Variants in PDE4D observed in about 807,000 individuals in gnomAD.
The protein encoded by PDE4D is phosphodiesterase 4D.
A neutral mutation model predicts 87.4 loss-of-function variants in PDE4D; 24 were observed. The observed-to-expected ratio is 0.27, with a 90% CI of 0.20 to 0.39. The LOEUF is 0.39. PDE4D is among the 10% of genes least tolerant of loss of function. The probability of loss-of-function intolerance (pLI) is 1.00; values close to 1 mark genes in which losing one functional copy is unlikely to be tolerated. For synonymous variants in PDE4D, 384 were observed against 383.2 expected, an observed-to-expected ratio of 1.00 and a Z score of -0.02; for missense variants, 714 against 1,041.0, an observed-to-expected ratio of 0.69 and a Z score of 4.32.
At chr5:60,068,442 C>T (rs975629051) in intron 2 of PDE4D, among the ~76,000 whole-genome samples, 5 of 140,110 alleles carry the variant, frequency 3.6e-5, no homozygotes, top group East Asian at 2.5e-4. Context: ...ATTTATTTTT[C>T]TCTCTCTTTT....
rs780129130 is a variant in PDE4D, at chr5:59,026,528, CCAGA to C, written c.921+12327_921+12330del. ...CAGGATGGCCAAGTGGTCTAAGGCA[CCAGA>C]CACTCACTGGGTTGGGCTAAAAACA... On this transcript the variant is annotated intron_variant, in intron 6 of 14. Coordinates refer to ENST00000340635, the MANE Select transcript of PDE4D (RefSeq NM_001104631.2). 2.2e-3 allele frequency among the ~76,000 whole-genome samples: 338 copies of C among 152,194 alleles called. 1 individual carries two copies. The highest frequency in any genetic ancestry group is 3.8e-3 in the Non-Finnish European group (256 of 68,004).
chr5:59,745,284 C>T (rs371866152), intron 1 of PDE4D, among the ~76,000 whole-genome samples: 115 of 152,070 alleles, frequency 7.6e-4, no homozygotes, highest in African/African-American at 2.5e-3. Flanking sequence ...GAAAAATTCT[C>T]GGGTGATGCT....
At chr5:59,894,722 A>G (rs990399700), upstream of PDE4D, among the ~76,000 whole-genome samples, 1 of 152,232 alleles carries the variant, frequency 6.6e-6, no homozygotes, top group African/African-American at 2.4e-5. Flanking sequence ...ACACAGCTCT[A>G]TTACTAAAGT....
At chr5:60,322,962 C>G (rs1399358314) in intron 1 of PDE4D, among the ~76,000 whole-genome samples, 1 of 152,230 alleles carries the variant, frequency 6.6e-6, no homozygotes, top group Non-Finnish European at 1.5e-5. Flanking sequence ...ACCATCCGAT[C>G]TTTATCAAAA....
At chr5:59,198,205 T>TA (rs1177572016) in intron 2 of PDE4D, among the ~76,000 whole-genome samples, 1 of 151,920 alleles carries the variant, frequency 6.6e-6, no homozygotes, top group Admixed American at 6.6e-5. Flanking sequence ...TTAAGGAAAA[T>TA]ACAGCTCTTT....
chr5:59,643,184 C>T (rs1222857829), intron 1 of PDE4D, among the ~76,000 whole-genome samples: 1 of 152,178 alleles, frequency 6.6e-6, no homozygotes, highest in African/African-American at 2.4e-5. Flanking sequence ...AGTGTACATG[C>T]TGGAGAGCTT....
At chr5:60,288,439 T>C (rs1752611886) in intron 1 of PDE4D, among the ~76,000 whole-genome samples, 1 of 152,208 alleles carries the variant, frequency 6.6e-6, no homozygotes, top group African/African-American at 2.4e-5. Context: ...ATCTTTTCAT[T>C]TGGTCTTTCC....
chr5:59,157,983 C>T lies in PDE4D; in HGVS notation c.808+22612G>A, dbSNP rs572300868. 5.9e-5 allele frequency among the ~76,000 whole-genome samples: 9 copies of T among 152,264 alleles called. No homozygotes were observed. The South Asian group carries it at 6.2e-4, about 11-fold the overall frequency. On this transcript the variant is annotated intron_variant, in intron 5 of 14. Transcript: ENST00000340635. ...GAGAGAAGGAAAGGGTATTGATTTG[C>T]GTGAGTGGCTCTCCATTGGGCTCTT...
chr5:59,169,263 G>A (rs1460810972), intron 5 of PDE4D, among the ~76,000 whole-genome samples: 1 of 151,958 alleles, frequency 6.6e-6, no homozygotes, highest in Non-Finnish European at 1.5e-5. Flanking sequence ...GAAATGGGTG[G>A]GAAGCACTTT....
intron 5 of PDE4D, among the ~76,000 whole-genome samples, chr5:59,174,094 A>AT (rs1783445196): frequency 6.6e-6 from 1 of 152,248 alleles, no homozygotes; most frequent in Admixed American, 6.5e-5. Context: ...TAACAAAAAA[A>AT]TAATTGTCCC....
chr5:60,431,563 G>A (rs1744308624), intron 1 of PDE4D, among the ~76,000 whole-genome samples: 1 of 151,700 alleles, frequency 6.6e-6, no homozygotes, highest in Admixed American at 6.6e-5. Flanking sequence ...ATGGCGGCCG[G>A]GCAGAGACGC....
intron 1 of PDE4D, among the ~76,000 whole-genome samples, chr5:59,223,654 C>T (rs1442643171): frequency 6.6e-6 from 1 of 152,004 alleles, no homozygotes. Flanking sequence ...TGAAAATTTC[C>T]CTGCAGGTCA....
intron 1 of PDE4D, among the ~76,000 whole-genome samples, chr5:59,233,491 C>A (rs1053980532): frequency 6.6e-6 from 1 of 152,162 alleles, no homozygotes; most frequent in Non-Finnish European, 1.5e-5. Flanking sequence ...TGTTGCCTAG[C>A]TCATTTGCAG....
chr5:59,236,603 A>G (rs770058044), intron 1 of PDE4D, among the ~76,000 whole-genome samples: 2 of 152,118 alleles, frequency 1.3e-5, no homozygotes, highest in Non-Finnish European at 2.9e-5. Context: ...CTCAGCTCAT[A>G]TTCCTCTATG....
At chr5:60,275,250 A>G (rs1249663284) in intron 1 of PDE4D, among the ~76,000 whole-genome samples, 2 of 152,188 alleles carry the variant, frequency 1.3e-5, no homozygotes, top group Non-Finnish European at 2.9e-5. Flanking sequence ...CACTGGTAAA[A>G]ATATTTTTCT....
At chr5:60,492,836 G>C (rs567843086), upstream of PDE4D, among the ~76,000 whole-genome samples, 1 of 151,010 alleles carries the variant, frequency 6.6e-6, no homozygotes, top group Admixed American at 6.6e-5. Flanking sequence ...GCACATGTAT[G>C]CCTATGTAAC....
chr5:59,964,293 C>G (rs1011482415), intron 3 of PDE4D, among the ~76,000 whole-genome samples: 11 of 152,108 alleles, frequency 7.2e-5, no homozygotes, highest in Non-Finnish European at 1.0e-4. Context: ...TAAAATTAAC[C>G]AATATATTTA....
chr5:60,115,979 A>G (rs768170833), intron 2 of PDE4D, among the ~76,000 whole-genome samples: 3 of 152,146 alleles, frequency 2.0e-5, no homozygotes, highest in East Asian at 1.9e-4. Context: ...ACAACTTAGT[A>G]TAGAAGATTT....
chr5:59,005,614 C>A lies in PDE4D; in HGVS notation c.922-12149G>T, dbSNP rs572884925. On this transcript the variant is annotated intron_variant, in intron 6 of 14. Coordinates refer to ENST00000340635, the MANE Select transcript of PDE4D (RefSeq NM_001104631.2). ...CAATTCTTATAGTCAGACTTGGCTT[C>A]ACCAAATTTAATGAAGAAACTTTAA... 1.8e-4 allele frequency among the ~76,000 whole-genome samples: 27 copies of A among 152,294 alleles called. 1 individual carries two copies. The South Asian group carries it at 5.6e-3, about 32-fold the overall frequency.
Sources: gnomAD v4.1 joint callset for allele counts (sites outside exome capture counted in the v4.1 genomes callset) on GRCh38, gnomAD v4.1.1 for gene constraint, MANE v1.5 for transcripts, NCBI Gene and HGNC (gene_info 2026-07-23, HGNC 2026-07-21) for gene names.